The following COL17A1 variants were observed in gnomAD, a reference collection of about 807,000 sequenced individuals.
COL17A1 encodes the protein collagen alpha-1(XVII) chain.
Under a neutral mutation model 218.4 loss-of-function variants are expected in COL17A1, and 181 were observed. That is an observed-to-expected ratio of 0.83 (90% CI 0.73 to 0.94). The LOEUF is 0.94. COL17A1 is among the 40% of genes least tolerant of loss of function. COL17A1 has a pLI of 0.00. For missense variants in COL17A1, 1,924 were observed against 1,945.9 expected (o/e 0.99, Z 0.21); for synonymous variants, 721 against 731.0 (o/e 0.99, Z 0.22).
In COL17A1 at chr10:104,034,149, C is replaced by T. The variant is rs1364256786; in HGVS notation, c.3952G>A (p.Ala1318Thr). 2.5e-6 allele frequency: 4 copies of T among 1,613,868 alleles called. No homozygotes were observed. The highest frequency in any genetic ancestry group is 2.2e-5 in the East Asian group (1 of 44,872). Reference protein sequence around the residue: ...SSSMSTGGGGAGSLGAGGAFG... With the variant: ...SSSMSTGGGGTGSLGAGGAFG... ...GCACCGCCTGCACCCAGGGAGCCTG[C>T]ACCACCTCCTCCTGTGCTCATGGAA... Residue 1318 changes from alanine (A) to threonine (T), a missense_variant, in exon 52 of 56, where the codon GCA becomes ACA. Coordinates refer to ENST00000648076, the MANE Select transcript of COL17A1 (RefSeq NM_000494.4).
chr10:104,069,747 C>T (rs971162421), intron 9 of COL17A1, among the ~76,000 whole-genome samples: 2 of 151,878 alleles, frequency 1.3e-5, no homozygotes, highest in East Asian at 1.9e-4. Flanking sequence ...CTCTTGAGTT[C>T]ACAGTTCACC....
At chr10:104,036,161 A>C (rs1200310009) in intron 48 of COL17A1, among the ~76,000 whole-genome samples, 1 of 350 alleles carries the variant, frequency 2.9e-3, no homozygotes, top group Non-Finnish European at 8.3e-3. Flanking sequence ...TGGGAGTGTG[A>C]GTATGGGTGT....
At position 104,034,560 on chromosome 10, in the gene COL17A1, CTT is replaced by C. The variant is rs796861898; in HGVS notation, c.3766+59_3766+60del. 5 of 1,578,928 alleles carry C rather than the reference CTT, an allele frequency of 3.2e-6. No individual in the cohort carries two copies. In the African/African-American group the frequency reaches 6.7e-5, roughly 21 times the overall value. ...TCCCTTTAAGTGCCTCCCTGCCCCA[CTT>C]ACAGGGAAAAGCAAGGCCTGCGGGG... is the stretch of plus-strand genomic sequence containing the variant. On this transcript the variant is annotated intron_variant, in intron 51 of 55. Coordinates refer to ENST00000648076, the MANE Select transcript of COL17A1 (RefSeq NM_000494.4).
intron 51 of COL17A1, 37 bp downstream of exon 51, chr10:104,034,583 CG>C (rs767015536): frequency 4.4e-6 from 7 of 1,600,750 alleles, no homozygotes; most frequent in Non-Finnish European, 6.0e-6. Flanking sequence ...GCAAGGCCTG[CG>C]GGGTGCCTGG....
At chr10:104,036,900 A>G (rs1237010409) in intron 47 of COL17A1, 145 bp downstream of exon 47, 4 of 855,056 alleles carry the variant, frequency 4.7e-6, no homozygotes, top group East Asian at 2.6e-5. Flanking sequence ...AGCAGATCAG[A>G]GCAGTAAGTG....
intron 13 of COL17A1, among the ~76,000 whole-genome samples, chr10:104,060,730 C>T (rs1356672047): frequency 6.6e-6 from 1 of 152,206 alleles, no homozygotes; most frequent in Non-Finnish European, 1.5e-5. Context: ...CCTATCTCTA[C>T]CACATTACTT....
chr10:104,065,905 T>C (rs1404127081), intron 9 of COL17A1, among the ~76,000 whole-genome samples: 1 of 152,174 alleles, frequency 6.6e-6, no homozygotes, highest in East Asian at 1.9e-4. Flanking sequence ...TATACAGTGG[T>C]CCATTTCCAA....
intron 24 of COL17A1, among the ~76,000 whole-genome samples, chr10:104,051,760 C>A (rs1489922776): frequency 6.6e-6 from 1 of 152,178 alleles, no homozygotes; most frequent in Non-Finnish European, 1.5e-5. Flanking sequence ...GGCAGTAGAA[C>A]ATTTGGGTTT....
intron 1 of COL17A1, among the ~76,000 whole-genome samples, chr10:104,082,463 T>G (rs1173307844): frequency 6.6e-6 from 1 of 152,214 alleles, no homozygotes; most frequent in Non-Finnish European, 1.5e-5. Flanking sequence ...AGGAGGCATT[T>G]GGGGAGATTA....
chr10:104,066,543 A>T (rs762651248), intron 9 of COL17A1, among the ~76,000 whole-genome samples: 1 of 152,208 alleles, frequency 6.6e-6, no homozygotes, highest in Non-Finnish European at 1.5e-5. Flanking sequence ...TTGTTAAATT[A>T]GTGAATTAAC....
rs1191106014 is a variant in COL17A1, at chr10:104,076,863, T to G, written c.203-434A>C. 2.0e-5 allele frequency among the ~76,000 whole-genome samples: 3 copies of G among 152,196 alleles called. No individual in the cohort carries two copies. The East Asian group carries it at 5.8e-4, about 29-fold the overall frequency. ...GGTGCTTCTTGTTTTTGTTTTGTTT[T>G]TGCCTTGCTTTGCTTTGTTTTGTTT... On this transcript the variant is annotated intron_variant, in intron 4 of 55. Transcript: ENST00000648076.
chr10:104,060,863 T>A (rs1452580435), intron 13 of COL17A1, among the ~76,000 whole-genome samples: 1 of 152,264 alleles, frequency 6.6e-6, no homozygotes, highest in Non-Finnish European at 1.5e-5. Context: ...TCGTGTTCAC[T>A]GCTGTACTGT....
chr10:104,032,880 G>A, intron 54 of COL17A1, 26 bp downstream of exon 54: 1 of 1,614,080 alleles, frequency 6.2e-7, no homozygotes, highest in Non-Finnish European at 8.5e-7. Flanking sequence ...ACAGGATCCA[G>A]GGACTGGCTC....
chr10:104,052,758 C>G (rs2086482847), intron 23 of COL17A1, among the ~76,000 whole-genome samples: 1 of 152,180 alleles, frequency 6.6e-6, no homozygotes, highest in African/African-American at 2.4e-5. Context: ...CTCACCCTCA[C>G]CACCCAACTC....
Position 104,060,267 on chromosome 10 carries a change from A to C in COL17A1, c.993T>G (p.Ser331Arg). ...GVSTSAACTT[S>R]VQSDDLLHKD... ...TGTGCAAAAGGTCATCGCTCTGCAC[A>C]CTTGTGGTGCAGGCTGGGGAGAAAG... The change falls in exon 14 of 56, where the codon AGT becomes AGG. Residue 331 changes from serine to arginine, a missense_variant. Physicochemically the swap from Ser to Arg is moderately radical, Grantham distance 110. Coordinates refer to ENST00000648076, the MANE Select transcript of COL17A1 (RefSeq NM_000494.4). 6.2e-7 allele frequency: 1 copy of C among 1,614,172 alleles called. No homozygotes were observed. The highest frequency in any genetic ancestry group is 8.5e-7 in the Non-Finnish European group (1 of 1,180,038).
At chr10:104,040,106 G>T in intron 40 of COL17A1, 107 bp from the exon 41 acceptor site, 1 of 1,347,858 alleles carries the variant, frequency 7.4e-7, no homozygotes, top group Non-Finnish European at 1.1e-6. Flanking sequence ...AGCAGATATA[G>T]AACTTGGGGT....
In COL17A1 at chr10:104,070,425, C is replaced by A. The variant is rs111285964; in HGVS notation, c.607+1G>T. On this transcript the variant is annotated splice_donor_variant, in intron 9 of 55. Transcript: ENST00000648076. LOFTEE classifies it high-confidence loss of function. ...TCGGCAGCCTGGGCTGTCAGACTTA[C>A]CCGACTGGGAGCTCGCTGTCACAAT... 6.2e-7 allele frequency: 1 copy of A among 1,613,368 alleles called. No homozygotes were observed. Among genetic ancestry groups the A allele is most frequent in the Non-Finnish European group, 8.5e-7 (1 of 1,180,024 alleles).
chr10:104,035,528 C>G lies in COL17A1; in HGVS notation c.3454G>C (p.Gly1152Arg), dbSNP rs762345538. 3.7e-6 allele frequency: 6 copies of G among 1,613,882 alleles called. No homozygotes were observed. The Admixed American group carries it at 1.0e-4, about 27-fold the overall frequency. The change falls in exon 49 of 56, where the codon GGG (glycine) becomes CGG (arginine). Residue 1152 changes from glycine to arginine, a missense_variant. By Grantham distance (125) the Gly-to-Arg change is moderately radical. Transcript: ENST00000648076. The part of the protein sequence containing the change: ...GISIGLPGPP[G>R]PPGLPGTSYE... ...GAGGTTCCCGGCAAGCCAGGGGGCCCCGGGGGACCAGGAAGCCCAATGCTG... is the reference window on the plus strand; with the variant it reads ...GAGGTTCCCGGCAAGCCAGGGGGCCGCGGGGGACCAGGAAGCCCAATGCTG...
At position 104,081,634 on chromosome 10, in the gene COL17A1, T is replaced by C. The variant is rs186760763; in HGVS notation, c.-11-950A>G. On this transcript the variant is annotated intron_variant, in intron 1 of 55. Coordinates refer to ENST00000648076, the MANE Select transcript of COL17A1 (RefSeq NM_000494.4). ...GTGGTTCTCTCCCTTCCTCTAACTT[T>C]CTCTTCCTTCTAGTTTATTTTTTGG... Among the ~76,000 whole-genome samples the C allele has an allele frequency of 3.3e-5, 5 of 152,314 alleles. No homozygotes were observed. In the East Asian group the frequency reaches 7.7e-4, roughly 23 times the overall value.
Sources: gnomAD v4.1 joint callset for allele counts (sites outside exome capture counted in the v4.1 genomes callset) on GRCh38, gnomAD v4.1.1 for gene constraint, MANE v1.5 for transcripts, NCBI Gene and HGNC (gene_info 2026-07-23, HGNC 2026-07-21) for gene names.